Variants in JUP observed in about 807,000 individuals in gnomAD.
JUP encodes the protein catenin (cadherin-associated protein), gamma 80kDa.
In JUP, 28 loss-of-function variants were observed where a neutral mutation model predicts 71.1. That is an observed-to-expected ratio of 0.39 (90% CI 0.29 to 0.54). JUP has a LOEUF of 0.54. Ranked by LOEUF, JUP falls within the 20% of genes least tolerant of loss-of-function variation. JUP has a pLI of 0.62. For synonymous variants in JUP, 401 were observed against 438.9 expected (o/e 0.91, Z 1.08); for missense variants, 869 against 1,030.1 (o/e 0.84, Z 2.14).
At chr17:41,762,168 A>AGT (rs1567808367) in intron 8 of JUP, among the ~76,000 whole-genome samples, 49 of 49,484 alleles carry the variant, frequency 9.9e-4, no homozygotes, top group African/African-American at 3.6e-3. Flanking sequence ...AGAGAGAGAG[A>AGT]GAGAGAGAGT....
chr17:41,765,032 G>C lies in JUP; in HGVS notation c.945C>G (p.Leu315=). ...IILANGGPQA[L]VQIMRNYSYE... ...AACTGTAGTTACGCATGATCTGCAC[G>C]AGGGCCTGGGGCCCACCATTGGCCA... is the stretch of plus-strand genomic sequence containing the variant. Residue 315 remains leucine, a synonymous_variant, in exon 6 of 14, where the codon CTC becomes CTG. Transcript: ENST00000393931. 1 of 1,614,080 alleles carries C rather than the reference G, an allele frequency of 6.2e-7. No individual in the cohort carries two copies. The highest frequency in any genetic ancestry group is 8.5e-7 in the Non-Finnish European group (1 of 1,179,982).
At chr17:41,760,110 C>A (rs1555600446) in intron 8 of JUP, among the ~76,000 whole-genome samples, 3 of 150,958 alleles carry the variant, frequency 2.0e-5, no homozygotes. Flanking sequence ...TTGCAGTGAG[C>A]TGAGATCATG....
intron 1 of JUP, among the ~76,000 whole-genome samples, chr17:41,778,837 G>A (rs1330359198): frequency 6.6e-6 from 1 of 151,988 alleles, no homozygotes; most frequent in African/African-American, 2.4e-5. Context: ...CATGAACCCA[G>A]GAGGCGGAGC....
intron 1 of JUP, among the ~76,000 whole-genome samples, chr17:41,773,467 G>A (rs371965865): frequency 6.6e-6 from 1 of 152,340 alleles, no homozygotes; most frequent in African/African-American, 2.4e-5. Flanking sequence ...CAGAGTTTCA[G>A]GCTGATTAAA....
At chr17:41,784,557 G>A (rs564529133) in intron 1 of JUP, among the ~76,000 whole-genome samples, 1 of 152,252 alleles carries the variant, frequency 6.6e-6, no homozygotes, top group African/African-American at 2.4e-5. Flanking sequence ...CTCCACCTTG[G>A]CACAGAGAAG....
chr17:41,758,372 T>TCTCCTGCC, intron 10 of JUP, 27 bp downstream of exon 10: 1 of 1,611,900 alleles, frequency 6.2e-7, no homozygotes, highest in Non-Finnish European at 8.5e-7. Flanking sequence ...TGGGGGGACC[T>TCTCCTGCC]CTCCTGCCCA....
At chr17:41,782,749 G>A (rs2047228461) in intron 1 of JUP, among the ~76,000 whole-genome samples, 1 of 152,120 alleles carries the variant, frequency 6.6e-6, no homozygotes, top group Non-Finnish European at 1.5e-5. Context: ...ACTCACACAT[G>A]CCTTCATGGG....
chr17:41,769,761 C>T, intron 2 of JUP, 84 bp from the exon 3 acceptor site: 2 of 1,486,152 alleles, frequency 1.3e-6, no homozygotes, highest in South Asian at 1.2e-5. Context: ...GACAGCCCCA[C>T]CTGGGTCCTC....
At chr17:41,772,814 G>C in intron 1 of JUP, 9 of 985,440 alleles carry the variant, frequency 9.1e-6, no homozygotes, top group Non-Finnish European at 1.1e-5. Flanking sequence ...AGGTTTAGGC[G>C]CACCTGAAGG....
In JUP at chr17:41,769,427, G is replaced by A. The variant is rs376289528; in HGVS notation, c.459C>T (p.Asp153=). Residue 153 remains aspartate, a synonymous_variant, in exon 3 of 14, where the codon GAC becomes GAT. Coordinates refer to ENST00000393931, the MANE Select transcript of JUP (RefSeq NM_002230.4). ...AGGGACCCTCACAGACCGGGTCCTC[G>A]TCGTTGAGCAGTTTGGTGAGCTCGG... ...ALPELTKLLN[D]EDPVVVTKAA... The A allele has an allele frequency of 7.3e-5, 118 of 1,611,898 alleles. No homozygotes were observed. The African/African-American group carries it at 1.1e-3, about 15-fold the overall frequency.
chr17:41,770,844 A>G (rs781892058), intron 2 of JUP, among the ~76,000 whole-genome samples: 3 of 151,922 alleles, frequency 2.0e-5, no homozygotes, highest in Non-Finnish European at 4.4e-5. Flanking sequence ...TCTCCCTCCA[A>G]CCCCAACGAG....
intron 9 of JUP, 66 bp downstream of exon 9, chr17:41,758,649 C>G: frequency 1.9e-6 from 3 of 1,586,754 alleles, no homozygotes; most frequent in Non-Finnish European, 2.6e-6. Flanking sequence ...CCCATTCACA[C>G]ACACACCCAC....
chr17:41,759,257 T>C (rs1217197405), intron 8 of JUP, among the ~76,000 whole-genome samples: 4 of 152,060 alleles, frequency 2.6e-5, no homozygotes, highest in Non-Finnish European at 4.4e-5. Flanking sequence ...GTATTTTTAG[T>C]AGAGACGGGG....
intron 1 of JUP, among the ~76,000 whole-genome samples, chr17:41,774,372 C>T (rs922973398): frequency 3.6e-4 from 55 of 152,184 alleles, no homozygotes; most frequent in African/African-American, 1.1e-3. Flanking sequence ...CTCTCTCTGT[C>T]GCCCAAGTTG....
intron 2 of JUP, 48 bp from the exon 3 acceptor site, chr17:41,769,725 G>A (rs1916334868): frequency 2.5e-6 from 4 of 1,588,310 alleles, no homozygotes; most frequent in Non-Finnish European, 3.4e-6. Flanking sequence ...GGGCTGGGCA[G>A]ACACTGGGGA....
chr17:41,769,775 G>T, intron 2 of JUP, 98 bp from the exon 3 acceptor site: 1 of 1,374,472 alleles, frequency 7.3e-7, no homozygotes, highest in Non-Finnish European at 9.9e-7. Flanking sequence ...GGTCCTCTGG[G>T]CTACCTCTTG....
chr17:41,771,467 A>C (rs1351981648), intron 2 of JUP, 180 bp downstream of exon 2: 1 of 631,230 alleles, frequency 1.6e-6, no homozygotes, highest in African/African-American at 1.8e-5. Flanking sequence ...ACCCTCCCAG[A>C]TGCAGCACCC....
In JUP at chr17:41,771,559, CCCTACAA is replaced by C. The variant is rs1211305358; in HGVS notation, c.208+81_208+87del. On this transcript the variant is annotated intron_variant, in intron 2 of 13. Coordinates refer to ENST00000393931, the MANE Select transcript of JUP (RefSeq NM_002230.4). ...TGCCTCCTCCCTCAGACCAGAGACC[CCCTACAA>C]TCTGCCTCCTTTCACTCTGACCTCT... 1.4e-5 allele frequency: 17 copies of C among 1,220,168 alleles called. No homozygotes were observed. In the East Asian group the frequency reaches 4.0e-4, roughly 29 times the overall value. 75.6% of individuals were successfully genotyped at this position (1,220,168 alleles called of 1,614,324 possible). A position where few individuals can be genotyped will look rare whatever the true frequency, so the allele number is the denominator to read the frequency against.
At position 41,755,304 on chromosome 17, in the gene JUP, A is replaced by C. The variant is rs1913512726; in HGVS notation, c.*440T>G. On this transcript the variant is annotated 3_prime_UTR_variant, in exon 14 of 14. Transcript: ENST00000393931. The stretch of plus-strand genomic sequence containing the variant: ...GCAGGAGCAGAACACTATCCCAAGA[A>C]AGACCCTACGGAGGACCTCTGGAGG... 3 of 400,544 alleles carry C rather than the reference A, an allele frequency of 7.5e-6. No homozygotes were observed. Among genetic ancestry groups the C allele is most frequent in the South Asian group, 2.5e-4 (2 of 7,990 alleles). 24.8% of individuals were successfully genotyped at this position (400,544 alleles called of 1,614,324 possible).
Sources: allele counts gnomAD v4.1 joint callset (sites outside exome capture counted in the v4.1 genomes callset), GRCh38; gene constraint gnomAD v4.1.1; transcripts MANE v1.5; gene names NCBI Gene and HGNC (gene_info 2026-07-23, HGNC 2026-07-21).